The following CREBL2 variants were observed in gnomAD, a reference collection of about 807,000 sequenced individuals.
CREBL2 encodes the protein cAMP responsive element binding protein like 2.
CREBL2 carries 4 observed loss-of-function variants against 19.5 expected under a neutral mutation model. That is an observed-to-expected ratio of 0.20 (90% CI 0.10 to 0.47). CREBL2 has a LOEUF of 0.47. Ranked by LOEUF, CREBL2 falls within the 20% of genes least tolerant of loss-of-function variation. The probability of loss-of-function intolerance (pLI) is 0.98; values close to 1 mark genes in which losing one functional copy is unlikely to be tolerated. For missense variants in CREBL2, 85 were observed against 145.1 expected, an observed-to-expected ratio of 0.59 and a Z score of 2.13; for synonymous variants, 42 against 46.6, an observed-to-expected ratio of 0.90 and a Z score of 0.40.
chr12:12,641,747 A>C (rs1359738937), intron 3 of CREBL2, among the ~76,000 whole-genome samples: 1 of 152,128 alleles, frequency 6.6e-6, no homozygotes, highest in African/African-American at 2.4e-5. Flanking sequence ...TATACAATTC[A>C]CCCACGTAAC....
chr12:12,622,035 C>A (rs571225811), intron 1 of CREBL2, among the ~76,000 whole-genome samples: 1 of 152,290 alleles, frequency 6.6e-6, no homozygotes, highest in South Asian at 2.1e-4. Flanking sequence ...CATTTTCACC[C>A]TTTCAAACTG....
chr12:12,637,837 TC>T, intron 3 of CREBL2, 123 bp downstream of exon 3: 1 of 1,085,310 alleles, frequency 9.2e-7, no homozygotes, highest in South Asian at 2.4e-5. Flanking sequence ...GCCCAGGAGT[TC>T]AAGACCAGAC....
intron 3 of CREBL2, among the ~76,000 whole-genome samples, chr12:12,639,835 C>A (rs1262094496): frequency 6.6e-6 from 1 of 152,128 alleles, no homozygotes; most frequent in Non-Finnish European, 1.5e-5. Context: ...AGTCTCAGAC[C>A]AGCAAGTTTT....
At chr12:12,632,636 A>G (rs972047467) in intron 1 of CREBL2, 2 of 152,130 alleles carry the variant, frequency 1.3e-5, no homozygotes, top group South Asian at 4.1e-4. Flanking sequence ...ATTTTACTAC[A>G]TGAAGAATAG....
At chr12:12,618,235 G>A (rs1027169448) in intron 1 of CREBL2, among the ~76,000 whole-genome samples, 1 of 151,748 alleles carries the variant, frequency 6.6e-6, no homozygotes, top group East Asian at 1.9e-4. Context: ...CTTCCCAGAC[G>A]GGGCGGCTGC....
intron 3 of CREBL2, among the ~76,000 whole-genome samples, chr12:12,639,218 A>G (rs1945499553): frequency 1.3e-5 from 2 of 152,184 alleles, no homozygotes; most frequent in Admixed American, 1.3e-4. Context: ...TGATGGACAT[A>G]TGTTTTTACC....
rs1269649985 is a variant in CREBL2, at chr12:12,632,264, A to AGAC, written c.16-3511_16-3509dup. Among the ~76,000 whole-genome samples the AGAC allele has an allele frequency of 2.6e-5, 4 of 151,138 alleles. No homozygotes were observed. The East Asian group carries it at 7.7e-4, about 29-fold the overall frequency. On this transcript the variant is annotated intron_variant, in intron 1 of 3. Transcript: ENST00000228865. ...GGCTAATTTTTTGTATTTTTAGTAG[A>AGAC]GACGGGGTTTCACCGTTTTAGTCAG... is the stretch of plus-strand genomic sequence containing the variant.
At chr12:12,619,669 A>C (rs1229672247) in intron 1 of CREBL2, among the ~76,000 whole-genome samples, 1 of 152,198 alleles carries the variant, frequency 6.6e-6, no homozygotes, top group African/African-American at 2.4e-5. Context: ...GAAAATAGAA[A>C]TGTGTTATTT....
At chr12:12,618,544 A>G (rs1945333560) in intron 1 of CREBL2, among the ~76,000 whole-genome samples, 1 of 149,970 alleles carries the variant, frequency 6.7e-6, no homozygotes, top group African/African-American at 2.5e-5. Flanking sequence ...CTCACTTCCC[A>G]GACTGGGCGG....
intron 1 of CREBL2, among the ~76,000 whole-genome samples, chr12:12,621,544 A>AG (rs1945360104): frequency 6.6e-6 from 1 of 150,780 alleles, no homozygotes; most frequent in Non-Finnish European, 1.5e-5. Context: ...AAAAAAAAAA[A>AG]CTGGCAGCAG....
At position 12,611,929 on chromosome 12, in the gene CREBL2, G is replaced by C; in HGVS notation, c.-244G>C. ...AAACACCCAGAGACTGTCATGGAGG[G>C]GGAGGAGGAGGCGGCGGCGGCGAAG... On this transcript the variant is annotated 5_prime_UTR_variant, in exon 1 of 4. Transcript: ENST00000228865. The C allele has an allele frequency of 1.7e-6, 1 of 580,436 alleles. No homozygotes were observed. Among genetic ancestry groups the C allele is most frequent in the Admixed American group, 3.3e-5 (1 of 30,720 alleles). 36.0% of individuals were successfully genotyped at this position (580,436 alleles called of 1,614,324 possible).
At chr12:12,624,509 T>G (rs1482716648) in intron 1 of CREBL2, among the ~76,000 whole-genome samples, 1 of 152,184 alleles carries the variant, frequency 6.6e-6, no homozygotes, top group Non-Finnish European at 1.5e-5. Flanking sequence ...TCTCAACTCC[T>G]TGCAGGAGGG....
intron 1 of CREBL2, among the ~76,000 whole-genome samples, chr12:12,628,001 T>A (rs551074121): frequency 1.3e-5 from 2 of 152,262 alleles, no homozygotes; most frequent in South Asian, 4.2e-4. Flanking sequence ...TGCCTCAGCC[T>A]CCCGAGTAGC....
chr12:12,613,149 C>T (rs1945281248), intron 1 of CREBL2, among the ~76,000 whole-genome samples: 1 of 152,214 alleles, frequency 6.6e-6, no homozygotes, highest in South Asian at 2.1e-4. Context: ...GGATTACAGG[C>T]GTGAGCCACC....
In CREBL2 at chr12:12,643,898, G is replaced by C. The variant is rs1176360885; in HGVS notation, c.*1900G>C. On this transcript the variant is annotated 3_prime_UTR_variant, in exon 4 of 4. Coordinates refer to ENST00000228865, the MANE Select transcript of CREBL2 (RefSeq NM_001310.4). The stretch of plus-strand genomic sequence containing the variant: ...TTTTTGCCATCTGGTCCACTCAATT[G>C]TATATTTTTATTTTGCAAAACAACC... 2 of 152,598 alleles carry C rather than the reference G, an allele frequency of 1.3e-5. No homozygotes were observed. The highest frequency in any genetic ancestry group is 4.8e-5 in the African/African-American group (2 of 41,434). 9.5% of individuals were successfully genotyped at this position (152,598 alleles called of 1,614,324 possible).
At chr12:12,627,397 GC>G (rs1270804856) in intron 1 of CREBL2, among the ~76,000 whole-genome samples, 1 of 152,106 alleles carries the variant, frequency 6.6e-6, no homozygotes, top group Non-Finnish European at 1.5e-5. Flanking sequence ...CCATTAACAG[GC>G]ACTCCCCATT....
At chr12:12,616,850 T>C (rs1945315429) in intron 1 of CREBL2, among the ~76,000 whole-genome samples, 1 of 152,124 alleles carries the variant, frequency 6.6e-6, no homozygotes, top group South Asian at 2.1e-4. Context: ...GCTGTGCCCT[T>C]GAGAGCATAA....
At chr12:12,624,337 A>G (rs540120426) in intron 1 of CREBL2, among the ~76,000 whole-genome samples, 1 of 152,218 alleles carries the variant, frequency 6.6e-6, no homozygotes, top group South Asian at 2.1e-4. Flanking sequence ...TGACTAGGGA[A>G]GTGGGGTGGA....
chr12:12,618,029 C>G (rs1945326533), intron 1 of CREBL2, among the ~76,000 whole-genome samples: 2 of 152,084 alleles, frequency 1.3e-5, no homozygotes, highest in Non-Finnish European at 2.9e-5. Flanking sequence ...AAGAATTCTT[C>G]TTAGTACAGA....
Sources: allele counts gnomAD v4.1 joint callset (sites outside exome capture counted in the v4.1 genomes callset), GRCh38; gene constraint gnomAD v4.1.1; transcripts MANE v1.5; gene names NCBI Gene and HGNC (gene_info 2026-07-23, HGNC 2026-07-21).